RIMBP2: variants seen among roughly 807,000 people sequenced by gnomAD.
RIMBP2 encodes the protein RIMS binding protein 2, also known as RIMS-binding protein 2.
A neutral mutation model predicts 118.6 loss-of-function variants in RIMBP2; 48 were observed. That is an observed-to-expected ratio of 0.40 (90% CI 0.32 to 0.51). The LOEUF (loss-of-function observed/expected upper bound fraction) is 0.51, where lower values mean the gene tolerates loss of function less well. Among genes scored for constraint, RIMBP2 ranks in the 20% least tolerant of loss-of-function variants. RIMBP2 has a pLI of 0.41. For synonymous variants in RIMBP2, 762 were observed against 742.9 expected (o/e 1.03, Z -0.42); for missense variants, 1,551 against 1,768.3 (o/e 0.88, Z 2.20).
chr12:130,678,519 CT>C (rs368746868), intron 1 of RIMBP2, among the ~76,000 whole-genome samples: 26 of 150,506 alleles, frequency 1.7e-4, no homozygotes, highest in Admixed American at 1.2e-3. Flanking sequence ...CAGGATTGCA[CT>C]TTTTTTTTTC....
intron 2 of RIMBP2, among the ~76,000 whole-genome samples, chr12:130,560,267 C>T (rs942336914): frequency 1.3e-5 from 2 of 152,090 alleles, no homozygotes; most frequent in African/African-American, 2.4e-5. Flanking sequence ...ACCTGCTTAA[C>T]TTCATCTCCC....
intron 2 of RIMBP2, among the ~76,000 whole-genome samples, chr12:130,529,185 T>C (rs10848126): frequency 1.2e-3 from 135 of 108,652 alleles, no homozygotes; most frequent in South Asian, 2.3e-3. Flanking sequence ...TGCTGATTCA[T>C]GCCACAACAG....
In RIMBP2 at chr12:130,623,039, A is replaced by G. The variant is rs896146701; in HGVS notation, c.-217+5283T>C. Among the ~76,000 whole-genome samples the G allele has an allele frequency of 1.3e-5, 2 of 152,230 alleles. No individual in the cohort carries two copies. Among genetic ancestry groups the G allele is most frequent in the Non-Finnish European group, 2.9e-5 (2 of 68,038 alleles). ...CTAGTATCAATGGTTTCTTATCTCA[A>G]CAAATATTTGCCAAGCATCTGTAGT... On this transcript the variant is annotated intron_variant, in intron 2 of 22. Transcript: ENST00000690449. This position sits in a 1 kb window ranked among gnomAD's most constrained non-coding sequence, Gnocchi z 4.1.
chr12:130,399,861 C>T, intron 21 of RIMBP2, 48 bp from the exon 22 acceptor site: 1 of 1,604,310 alleles, frequency 6.2e-7, no homozygotes, highest in Non-Finnish European at 8.5e-7. Flanking sequence ...TTTCTAGAAA[C>T]CCACATCTTG....
intron 5 of RIMBP2, among the ~76,000 whole-genome samples, chr12:130,478,023 C>CCG (rs1357649140): frequency 2.0e-5 from 3 of 152,176 alleles, no homozygotes; most frequent in African/African-American, 7.2e-5. Context: ...GGGGGCACCC[C>CCG]AAGCCCATAG....
chr12:130,520,918 G>C (rs569309406), intron 2 of RIMBP2, among the ~76,000 whole-genome samples: 1 of 152,276 alleles, frequency 6.6e-6, no homozygotes, highest in Admixed American at 6.5e-5. Context: ...AGCATCCCAC[G>C]TTGTCCATGC....
intron 1 of RIMBP2, among the ~76,000 whole-genome samples, chr12:130,680,492 C>CGGG (rs2064727328): frequency 1.3e-5 from 2 of 152,192 alleles, no homozygotes; most frequent in South Asian, 2.1e-4. Flanking sequence ...TGGGAACACA[C>CGGG]ACTCAGATAC....
chr12:130,463,862 G>A (rs191395066), intron 6 of RIMBP2, among the ~76,000 whole-genome samples: 8 of 147,948 alleles, frequency 5.4e-5, no homozygotes, highest in Non-Finnish European at 1.0e-4. Context: ...AAAACAGGGC[G>A]CAGTAAAGGA....
rs537132626 is a variant in RIMBP2 at position 130,620,834 on chromosome 12, A to G, written c.-217+7488T>C. On this transcript the variant is annotated intron_variant, in intron 2 of 22. Coordinates refer to ENST00000690449, the MANE Select transcript of RIMBP2 (RefSeq NM_001393629.1). This position sits in a 1 kb window ranked among gnomAD's most constrained non-coding sequence, Gnocchi z 5.3. ...ATTTTGAGGGGGCTGGGCCTCCAAC[A>G]TTCTTTTTGTAGGGAACACCCCTCA... 1.3e-5 allele frequency among the ~76,000 whole-genome samples: 2 copies of G among 152,232 alleles called. No individual in the cohort carries two copies. Among genetic ancestry groups the G allele is most frequent in the African/African-American group, 4.8e-5 (2 of 41,546 alleles).
chr12:130,664,224 T>C (rs555546492), intron 1 of RIMBP2, among the ~76,000 whole-genome samples: 8 of 151,800 alleles, frequency 5.3e-5, no homozygotes, highest in African/African-American at 1.9e-4. Flanking sequence ...TCCAGGTTTC[T>C]CAGTCTCAGA....
chr12:130,692,098 G>A (rs1190349066), intron 1 of RIMBP2, among the ~76,000 whole-genome samples: 4 of 152,228 alleles, frequency 2.6e-5, no homozygotes, highest in Non-Finnish European at 5.9e-5. Flanking sequence ...GAGCTGGTGT[G>A]CAGCTGAACT....
intron 1 of RIMBP2, among the ~76,000 whole-genome samples, chr12:130,704,269 C>A (rs888668892): frequency 6.6e-6 from 1 of 152,060 alleles, no homozygotes; most frequent in African/African-American, 2.4e-5. Context: ...GGGCTCCTGA[C>A]GTCTTGTTTA....
At position 130,703,268 on chromosome 12, in the gene RIMBP2, C is replaced by T. The variant is rs1444259951; in HGVS notation, c.-352+12954G>A. ...TGGCCTTGTGCACCCCGATTAACCT[C>T]CAGGCGGGCTCCCCCTCCGCCCTGG... On this transcript the variant is annotated intron_variant, in intron 1 of 22. Transcript: ENST00000690449. This position sits in a 1 kb window ranked among gnomAD's most constrained non-coding sequence, Gnocchi z 5.7. Among the ~76,000 whole-genome samples the T allele has an allele frequency of 1.3e-5, 2 of 152,128 alleles. No homozygotes were observed. The highest frequency in any genetic ancestry group is 2.9e-5 in the Non-Finnish European group (2 of 68,024).
chr12:130,421,828 G>A (rs954875243), intron 17 of RIMBP2, among the ~76,000 whole-genome samples: 5 of 152,042 alleles, frequency 3.3e-5, no homozygotes, highest in African/African-American at 4.8e-5. Context: ...AATAATAGAA[G>A]TATCCCCCTC....
intron 2 of RIMBP2, among the ~76,000 whole-genome samples, chr12:130,528,009 A>G (rs769757204): frequency 6.6e-6 from 1 of 152,238 alleles, no homozygotes; most frequent in Non-Finnish European, 1.5e-5. Context: ...GATGTAAATT[A>G]GTTCAACTGT....
chr12:130,650,958 TAAAAAA>T (rs397700189), intron 1 of RIMBP2, among the ~76,000 whole-genome samples: 2 of 125,602 alleles, frequency 1.6e-5, no homozygotes, highest in Admixed American at 8.1e-5. Context: ...TTGTTTTTTT[TAAAAAA>T]AAAAAAAAAA....
intron 4 of RIMBP2, among the ~76,000 whole-genome samples, chr12:130,491,463 C>A (rs988143528): frequency 6.6e-6 from 1 of 152,318 alleles, no homozygotes; most frequent in South Asian, 2.1e-4. Flanking sequence ...ACATGAGAAC[C>A]TTTTCTGCAG....
chr12:130,399,942 C>T, intron 21 of RIMBP2, 129 bp from the exon 22 acceptor site: 2 of 1,015,222 alleles, frequency 2.0e-6, no homozygotes, highest in Non-Finnish European at 2.8e-6. Context: ...AGTGGCAGGA[C>T]TTGAAAGGAC....
At chr12:130,610,258 T>G (rs2060443960) in intron 2 of RIMBP2, among the ~76,000 whole-genome samples, 1 of 152,090 alleles carries the variant, frequency 6.6e-6, no homozygotes, top group Non-Finnish European at 1.5e-5. Flanking sequence ...TCCCGGTCCC[T>G]CCCGTTCTGG....
Sources: gnomAD v4.1 joint callset for allele counts (sites outside exome capture counted in the v4.1 genomes callset) on GRCh38, gnomAD v4.1.1 for gene constraint, Gnocchi (gnomAD v3.1) non-coding constraint, MANE v1.5 for transcripts, NCBI Gene and HGNC (gene_info 2026-07-23, HGNC 2026-07-21) for gene names.